Variants in DOCK3 observed in about 807,000 individuals in gnomAD.
The protein encoded by DOCK3 is dedicator of cytokinesis 3.
In DOCK3, 60 loss-of-function variants were observed where a neutral mutation model predicts 265.6. That is an observed-to-expected ratio of 0.23 (90% CI 0.18 to 0.28). The LOEUF is 0.28. Among genes scored for constraint, DOCK3 ranks in the 10% least tolerant of loss-of-function variants. The pLI, the probability that DOCK3 is intolerant of heterozygous loss-of-function variation, is 1.00. For synonymous variants in DOCK3, 881 were observed against 938.0 expected (o/e 0.94, Z 1.11); for missense variants, 1,981 against 2,594.3 (o/e 0.76, Z 5.14).
At chr3:51,062,768 A>G (rs951407269) in intron 5 of DOCK3, among the ~76,000 whole-genome samples, 1 of 152,246 alleles carries the variant, frequency 6.6e-6, no homozygotes, top group Non-Finnish European at 1.5e-5. Context: ...TGGGAAAATA[A>G]TAATTCAAAC....
intron 9 of DOCK3, among the ~76,000 whole-genome samples, chr3:51,141,151 C>T (rs1176423328): frequency 6.7e-6 from 1 of 148,898 alleles, no homozygotes; most frequent in Non-Finnish European, 1.5e-5. Context: ...GAAACCATTA[C>T]TTAATTCAAG....
At chr3:51,121,645 T>C (rs2084022880) in intron 9 of DOCK3, among the ~76,000 whole-genome samples, 1 of 152,008 alleles carries the variant, frequency 6.6e-6, no homozygotes, top group African/African-American at 2.4e-5. Context: ...TTATGTCCAG[T>C]GATTTGTATT....
chr3:51,322,370 T>A (rs1420930626), intron 32 of DOCK3, among the ~76,000 whole-genome samples: 1 of 151,962 alleles, frequency 6.6e-6, no homozygotes, highest in African/African-American at 2.4e-5. Context: ...GCCCGGCTAA[T>A]TTTTTTGTAT....
At chr3:51,224,241 A>G (rs927586087) in intron 14 of DOCK3, among the ~76,000 whole-genome samples, 1 of 152,246 alleles carries the variant, frequency 6.6e-6, no homozygotes, top group African/African-American at 2.4e-5. Context: ...CTTTAGCCAC[A>G]GTATTTTGAG....
At chr3:51,311,406 C>G (rs2083059394) in intron 28 of DOCK3, among the ~76,000 whole-genome samples, 2 of 152,178 alleles carry the variant, frequency 1.3e-5, no homozygotes, top group Admixed American at 6.5e-5. Context: ...CTTGTTCCAG[C>G]AGGACAGCCT....
intron 40 of DOCK3, among the ~76,000 whole-genome samples, chr3:51,354,490 C>T (rs1011387223): frequency 3.9e-5 from 6 of 152,176 alleles, no homozygotes; most frequent in Non-Finnish European, 8.8e-5. Flanking sequence ...TTGTTGTTGC[C>T]CTGGTTGTCA....
At chr3:50,948,244 A>G (rs2108292737) in intron 5 of DOCK3, among the ~76,000 whole-genome samples, 1 of 150,940 alleles carries the variant, frequency 6.6e-6, no homozygotes, top group African/African-American at 2.4e-5. Flanking sequence ...TTTAGTAGAG[A>G]CGGGGTTTCA....
At chr3:51,215,969 C>G (rs543795457) in intron 14 of DOCK3, among the ~76,000 whole-genome samples, 23 of 150,138 alleles carry the variant, frequency 1.5e-4, no homozygotes, top group African/African-American at 5.4e-4. Flanking sequence ...CATAGTCAGG[C>G]TTCTTGACTA....
chr3:51,297,554 C>G (rs114539672), intron 27 of DOCK3, among the ~76,000 whole-genome samples: 2 of 152,196 alleles, frequency 1.3e-5, no homozygotes, highest in African/African-American at 4.8e-5. Flanking sequence ...AAGACAGACA[C>G]ATAGCCAATA....
chr3:51,260,964 A>G (rs2079817914), intron 23 of DOCK3, among the ~76,000 whole-genome samples: 1 of 152,152 alleles, frequency 6.6e-6, no homozygotes, highest in Admixed American at 6.5e-5. Context: ...AGCCTGGGCA[A>G]CAGACTGAGA....
chr3:51,355,117 AC>A lies in DOCK3; in HGVS notation c.4249+95del, dbSNP rs1343586276. ...GCCCCTTTACCACATTGCCAACCAT[AC>A]AGGTTTAGATATCCCATAGTCCTAA... On this transcript the variant is annotated intron_variant, in intron 41 of 52. Transcript: ENST00000266037. 6.1e-6 allele frequency: 9 copies of A among 1,485,762 alleles called. No homozygotes were observed. In the African/African-American group the frequency reaches 1.3e-4, roughly 21 times the overall value. 92.0% of individuals were successfully genotyped at this position (1,485,762 alleles called of 1,614,324 possible).
At chr3:50,810,559 A>T (rs1288448051) in intron 2 of DOCK3, among the ~76,000 whole-genome samples, 1 of 152,108 alleles carries the variant, frequency 6.6e-6, no homozygotes, top group Non-Finnish European at 1.5e-5. Flanking sequence ...ATTTTTTTTT[A>T]AATTTAGCCG....
In DOCK3 at chr3:51,275,059, CT is replaced by C. The variant is rs769195799; in HGVS notation, c.2549-17del. On this transcript the variant is annotated intron_variant, in intron 24 of 52. Transcript: ENST00000266037. Reference sequence around the variant, plus strand: ...AGTTCTCCTCTAAAGTTTTCTTCACCTTTGTATTTTCTCTCCCAGAATCCCG... The same window carrying C: ...AGTTCTCCTCTAAAGTTTTCTTCACCTTGTATTTTCTCTCCCAGAATCCCG... The C allele has an allele frequency of 4.0e-5, 65 of 1,613,742 alleles. 1 individual carries two copies. The South Asian group carries it at 7.0e-4, about 17-fold the overall frequency.
chr3:51,091,682 CAA>C (rs36008191), intron 9 of DOCK3, among the ~76,000 whole-genome samples: 4 of 102,164 alleles, frequency 3.9e-5, no homozygotes, highest in Admixed American at 1.0e-4. Flanking sequence ...GACTTGGTCT[CAA>C]AAAAAAAAAA....
intron 21 of DOCK3, among the ~76,000 whole-genome samples, chr3:51,237,981 G>A (rs1301241728): frequency 6.6e-6 from 1 of 151,802 alleles, no homozygotes; most frequent in Non-Finnish European, 1.5e-5. Flanking sequence ...TCATGTAAGT[G>A]TAATCACAAT....
intron 2 of DOCK3, among the ~76,000 whole-genome samples, chr3:50,803,153 T>C (rs565788168): frequency 6.6e-6 from 1 of 152,058 alleles, no homozygotes; most frequent in South Asian, 2.1e-4. Flanking sequence ...AGGACAATAG[T>C]GGAGGGAAGG....
At chr3:51,128,728 G>A (rs1467518836) in intron 9 of DOCK3, among the ~76,000 whole-genome samples, 16 of 152,170 alleles carry the variant, frequency 1.1e-4, no homozygotes, top group Admixed American at 1.0e-3. Flanking sequence ...CCATATCGAG[G>A]GCTCAGTGTT....
chr3:50,769,573 G>A (rs948258500), intron 1 of DOCK3, among the ~76,000 whole-genome samples: 2 of 152,102 alleles, frequency 1.3e-5, no homozygotes, highest in Non-Finnish European at 2.9e-5. Flanking sequence ...CACTTTGGGA[G>A]GCTGAGGGTG....
intron 41 of DOCK3, 74 bp from the exon 42 acceptor site, chr3:51,356,015 T>C: frequency 6.3e-7 from 1 of 1,580,158 alleles, no homozygotes; most frequent in Non-Finnish European, 8.7e-7. Flanking sequence ...TTCTCCCCTT[T>C]GAGGAGATGA....
Sources: gnomAD v4.1 joint callset for allele counts (sites outside exome capture counted in the v4.1 genomes callset) on GRCh38, gnomAD v4.1.1 for gene constraint, MANE v1.5 for transcripts, NCBI Gene and HGNC (gene_info 2026-07-23, HGNC 2026-07-21) for gene names.